The following TRAF5 variants were observed in gnomAD, a reference collection of about 807,000 sequenced individuals.
TRAF5 encodes the protein TNF receptor-associated factor 5.
In TRAF5, 48 loss-of-function variants were observed where a neutral mutation model predicts 64.5. The ratio of observed to expected loss-of-function variants is 0.74; its 90% confidence interval spans 0.59 to 0.95. The LOEUF (loss-of-function observed/expected upper bound fraction) is 0.95. Among genes scored for constraint, TRAF5 ranks in the 40% least tolerant of loss-of-function variants. The pLI is 0.00. For synonymous variants in TRAF5, 206 were observed against 240.5 expected, an observed-to-expected ratio of 0.86 and a Z score of 1.33; for missense variants, 545 against 662.8, an observed-to-expected ratio of 0.82 and a Z score of 1.95.
chr1:211,353,942 A>G (rs1702877363), intron 2 of TRAF5, among the ~76,000 whole-genome samples: 1 of 152,200 alleles, frequency 6.6e-6, no homozygotes, highest in Non-Finnish European at 1.5e-5. Context: ...GGGGGGTTAT[A>G]TAGGAAGCAA....
At chr1:211,347,343 G>C (rs575617959) in intron 1 of TRAF5, among the ~76,000 whole-genome samples, 1 of 152,198 alleles carries the variant, frequency 6.6e-6, no homozygotes, top group South Asian at 2.1e-4. Context: ...GTGGGTCCAG[G>C]CTTGAGGAAG....
intron 1 of TRAF5, among the ~76,000 whole-genome samples, chr1:211,329,016 CCA>C (rs1702092404): frequency 6.6e-6 from 1 of 152,128 alleles, no homozygotes; most frequent in Non-Finnish European, 1.5e-5. Flanking sequence ...CCATATCTGC[CCA>C]CCTCTTCCTC....
At chr1:211,340,720 G>T (rs955433160) in intron 1 of TRAF5, among the ~76,000 whole-genome samples, 1 of 152,178 alleles carries the variant, frequency 6.6e-6, no homozygotes, top group Non-Finnish European at 1.5e-5. Context: ...CCATATAAAT[G>T]CTAAACCATC....
At chr1:211,365,783 C>A (rs569156983) in intron 8 of TRAF5, among the ~76,000 whole-genome samples, 1 of 152,324 alleles carries the variant, frequency 6.6e-6, no homozygotes, top group Admixed American at 6.5e-5. Flanking sequence ...GTCCAGTACT[C>A]CCCATGGTAT....
intron 1 of TRAF5, among the ~76,000 whole-genome samples, chr1:211,342,608 T>G (rs1702478520): frequency 6.6e-6 from 1 of 152,206 alleles, no homozygotes; most frequent in Non-Finnish European, 1.5e-5. Flanking sequence ...ATTTTTGTAC[T>G]CATTAATCAT....
At chr1:211,343,669 T>C (rs1412627339) in intron 1 of TRAF5, among the ~76,000 whole-genome samples, 1 of 152,180 alleles carries the variant, frequency 6.6e-6, no homozygotes, top group Non-Finnish European at 1.5e-5. Flanking sequence ...CTAACCCATA[T>C]CTGACTCCAG....
chr1:211,366,073 C>T (rs1200634849), intron 8 of TRAF5, among the ~76,000 whole-genome samples: 2 of 152,196 alleles, frequency 1.3e-5, no homozygotes, highest in Non-Finnish European at 1.5e-5. Context: ...CTATTAACCT[C>T]AATAAATGCT....
chr1:211,354,363 T>C, intron 2 of TRAF5, 47 bp from the exon 3 acceptor site: 1 of 1,591,264 alleles, frequency 6.3e-7, no homozygotes, highest in Non-Finnish European at 8.6e-7. Context: ...GGAAATGCTG[T>C]TGAGGTAAAC....
intron 4 of TRAF5, chr1:211,358,491 CA>C (rs34475703): frequency 0.3 from 40,240 of 133,696 alleles, 7,007 homozygotes; most frequent in East Asian, 0.61. Context: ...AAAAAAAAAA[CA>C]AAAAAAAACC....
In TRAF5 at chr1:211,360,412, CATGGGT is replaced by C. The variant is rs1177228870; in HGVS notation, c.544-288_544-283del. ...GCAGGATGCAGGCATAAAAAGAAAG[CATGGGT>C]ACCTTTTACATGTCCCGAAGGAGCT... On this transcript the variant is annotated intron_variant, in intron 5 of 10. Coordinates refer to ENST00000261464, the MANE Select transcript of TRAF5 (RefSeq NM_001033910.3). 30 of 495,088 alleles carry C rather than the reference CATGGGT, an allele frequency of 6.1e-5. No homozygotes were observed. The East Asian group carries it at 1.0e-3, about 17-fold the overall frequency. The allele number at this position is 495,088 out of a possible 1,614,324, so 30.7% of individuals were successfully genotyped here.
chr1:211,371,017 T>C (rs1340513855), intron 9 of TRAF5, among the ~76,000 whole-genome samples: 1 of 151,838 alleles, frequency 6.6e-6, no homozygotes, highest in East Asian at 1.9e-4. Context: ...TATATAAAGA[T>C]AGGTTGGAGA....
chr1:211,334,136 C>T (rs112866867), intron 1 of TRAF5, among the ~76,000 whole-genome samples: 2,394 of 152,300 alleles, frequency 0.016, 23 homozygotes, highest in Middle Eastern at 0.071. Context: ...AGGTGCAAGC[C>T]TCCAAGAGTC....
intron 1 of TRAF5, among the ~76,000 whole-genome samples, chr1:211,337,968 G>T (rs1421036251): frequency 6.6e-6 from 1 of 152,176 alleles, no homozygotes; most frequent in Non-Finnish European, 1.5e-5. Flanking sequence ...AGAAATCAGG[G>T]CATTGTCAGT....
intron 10 of TRAF5, 80 bp downstream of exon 10, chr1:211,371,550 TAGAG>T (rs1282706397): frequency 8.1e-6 from 11 of 1,356,684 alleles, no homozygotes; most frequent in Non-Finnish European, 1.0e-5. Context: ...CCTGGCCAAA[TAGAG>T]AGTCACATCT....
intron 3 of TRAF5, among the ~76,000 whole-genome samples, chr1:211,355,186 G>C (rs1211285927): frequency 6.6e-6 from 1 of 151,448 alleles, no homozygotes; most frequent in East Asian, 1.9e-4. Flanking sequence ...AAAAAAAAAA[G>C]TTCTTTATAT....
chr1:211,371,228 A>G (rs988301693), intron 9 of TRAF5, 74 bp from the exon 10 acceptor site: 2 of 1,409,140 alleles, frequency 1.4e-6, no homozygotes, highest in Non-Finnish European at 1.9e-6. Flanking sequence ...TGAATTGAAA[A>G]AAATTTTAAT....
intron 1 of TRAF5, among the ~76,000 whole-genome samples, chr1:211,333,258 G>A (rs1392791272): frequency 6.6e-6 from 1 of 152,074 alleles, no homozygotes; most frequent in Non-Finnish European, 1.5e-5. Context: ...GCGCCAACTC[G>A]GCTCACTGCA....
At chr1:211,352,374 T>C (rs1572072949) in intron 1 of TRAF5, among the ~76,000 whole-genome samples, 1 of 123,916 alleles carries the variant, frequency 8.1e-6, no homozygotes, top group African/African-American at 3.2e-5. Context: ...ACTGGGTCCC[T>C]CCCACAATAT....
chr1:211,327,460 C>T (rs904593467), intron 1 of TRAF5, among the ~76,000 whole-genome samples: 1 of 152,190 alleles, frequency 6.6e-6, no homozygotes, highest in African/African-American at 2.4e-5. Context: ...GCAGCTACCC[C>T]CCTCCCCCAG....
Sources: allele counts gnomAD v4.1 joint callset (sites outside exome capture counted in the v4.1 genomes callset), GRCh38; gene constraint gnomAD v4.1.1; transcripts MANE v1.5; gene names NCBI Gene and HGNC (gene_info 2026-07-23, HGNC 2026-07-21).